The following WDR75 variants were observed in gnomAD, a reference collection of about 807,000 sequenced individuals.
WDR75 encodes the protein WD repeat domain 75.
In WDR75, 52 loss-of-function variants were observed where a neutral mutation model predicts 106.1. That is an observed-to-expected ratio of 0.49 (90% CI 0.39 to 0.62). WDR75 has a LOEUF of 0.62. WDR75 is among the 20% of genes least tolerant of loss of function. WDR75 has a pLI of 0.00. For synonymous variants in WDR75, 333 were observed against 335.5 expected, an observed-to-expected ratio of 0.99 and a Z score of 0.08; for missense variants, 905 against 970.3, an observed-to-expected ratio of 0.93 and a Z score of 0.89.
At position 189,474,293 on chromosome 2, in the gene WDR75, A is replaced by G; in HGVS notation, c.2157A>G (p.Val719=). ...KLNETLENEL[V]QLPLTENIPA... is the part of the protein sequence containing the mutation. ...ACGAAACTTTAGAGAATGAGCTGGT[A>G]CAACTACCCTTAACAGAAAACATAC... Residue 719 remains valine (V), a synonymous_variant, in exon 19 of 21, where the codon GTA becomes GTG. Coordinates refer to ENST00000314761, the MANE Select transcript of WDR75 (RefSeq NM_032168.3). 3 of 1,613,752 alleles carry G rather than the reference A, an allele frequency of 1.9e-6. No individual in the cohort carries two copies. The highest frequency in any genetic ancestry group is 1.7e-5 in the Admixed American group (1 of 59,986).
At chr2:189,451,548 T>C (rs187044257) in intron 3 of WDR75, among the ~76,000 whole-genome samples, 1 of 152,304 alleles carries the variant, frequency 6.6e-6, no homozygotes, top group African/African-American at 2.4e-5. Context: ...TTGTTTATGG[T>C]AGGAAAAAAG....
intron 2 of WDR75, chr2:189,449,207 G>C (rs1686564904): frequency 7.8e-7 from 1 of 1,278,064 alleles, no homozygotes; most frequent in Non-Finnish European, 1.0e-6. Context: ...TTTTGTTCTT[G>C]CTCTTATTTT....
intron 8 of WDR75, among the ~76,000 whole-genome samples, chr2:189,461,475 G>A (rs915421769): frequency 7.3e-5 from 11 of 151,280 alleles, no homozygotes; most frequent in Non-Finnish European, 8.8e-5. Flanking sequence ...ATATCCATGA[G>A]TTAGGATTTT....
chr2:189,474,108 C>A, intron 18 of WDR75, 78 bp from the exon 19 acceptor site: 1 of 1,421,922 alleles, frequency 7.0e-7, no homozygotes, highest in South Asian at 1.4e-5. Flanking sequence ...TTTTATGATT[C>A]TGTAGTACTT....
At chr2:189,474,455 C>A in intron 19 of WDR75, 123 bp downstream of exon 19, 2 of 1,189,040 alleles carry the variant, frequency 1.7e-6, no homozygotes, top group Non-Finnish European at 2.4e-6. Context: ...AACTAAATAA[C>A]TAACAACAAA....
Position 189,450,366 on chromosome 2 carries a change from TG to T in WDR75, c.217-535del, listed in dbSNP as rs1402180115. ...GTTTTTGTTTTGTTTTGTTTGGTTTTGGTTTTTTTTTCTGGAGAGTCTCACT... is the reference window on the plus strand; with the variant it reads ...GTTTTTGTTTTGTTTTGTTTGGTTTTGTTTTTTTTTCTGGAGAGTCTCACT... On this transcript the variant is annotated intron_variant, in intron 2 of 20. Transcript: ENST00000314761. 4.5e-6 allele frequency: 4 copies of T among 883,238 alleles called. No homozygotes were observed. The African/African-American group carries it at 9.5e-5, about 21-fold the overall frequency. 54.7% of individuals were successfully genotyped at this position (883,238 alleles called of 1,614,324 possible). A position where few individuals can be genotyped will look rare whatever the true frequency, so the allele number is the denominator to read the frequency against.
chr2:189,448,713 A>G (rs1574188275), intron 2 of WDR75: 1 of 689,880 alleles, frequency 1.4e-6, no homozygotes, highest in East Asian at 3.2e-5. Flanking sequence ...AAGAGGTATT[A>G]CCTGAGAAGG....
chr2:189,462,796 C>G (rs1686924245), intron 9 of WDR75, among the ~76,000 whole-genome samples, 154 bp downstream of exon 9: 1 of 152,030 alleles, frequency 6.6e-6, no homozygotes, highest in Non-Finnish European at 1.5e-5. Flanking sequence ...CTTTTCCACC[C>G]CTCTCTACCC....
intron 18 of WDR75, among the ~76,000 whole-genome samples, chr2:189,471,612 T>C (rs1687121650): frequency 1.3e-5 from 2 of 152,224 alleles, no homozygotes; most frequent in South Asian, 4.1e-4. Context: ...TGTTTTCAGA[T>C]ACATTAGGTA....
rs1182708083 is a variant in WDR75 at position 189,441,521 on chromosome 2, T to C, written c.29T>C (p.Val10Ala). MVEEENIRV[V>A]RCGGSELNFR... The stretch of plus-strand genomic sequence containing the variant: ...GTGGAGGAGGAGAACATCCGCGTGG[T>C]TCGTTGTGGCGGCAGCGAGTTGAAC... Residue 10 changes from valine to alanine, a missense_variant, in exon 1 of 21, where the codon GTT becomes GCT. Val to Ala is a moderately conservative substitution (Grantham distance 64). Transcript: ENST00000314761. The C allele has an allele frequency of 4.5e-6, 7 of 1,567,144 alleles. No individual in the cohort carries two copies. In the South Asian group the frequency reaches 4.7e-5, roughly 11 times the overall value.
chr2:189,449,022 G>A (rs1245198013), intron 2 of WDR75, among the ~76,000 whole-genome samples: 1 of 152,098 alleles, frequency 6.6e-6, no homozygotes, highest in East Asian at 1.9e-4. Flanking sequence ...AATTTGTTTG[G>A]TGAGTGGGTC....
Position 189,474,277 on chromosome 2 carries a change from T to C in WDR75, c.2141T>C (p.Leu714Ser), listed in dbSNP as rs143416795. 1 of 1,613,810 alleles carries C rather than the reference T, an allele frequency of 6.2e-7. No individual in the cohort carries two copies. Among genetic ancestry groups the C allele is most frequent in the African/African-American group, 1.3e-5 (1 of 75,034 alleles). ...CAGGATGAAAAACTAAACGAAACTT[T>C]AGAGAATGAGCTGGTACAACTACCC... ...QQQDEKLNET[L>S]ENELVQLPLT... Residue 714 changes from leucine to serine, a missense_variant, in exon 19 of 21, where the codon TTA becomes TCA. Transcript: ENST00000314761.
At chr2:189,455,606 T>A in intron 5 of WDR75, 162 bp downstream of exon 5, 1 of 913,412 alleles carries the variant, frequency 1.1e-6, no homozygotes, top group Non-Finnish European at 1.6e-6. Context: ...GTATTTATGG[T>A]ATAGATTTTT....
Position 189,467,974 on chromosome 2 carries a change from T to C in WDR75, c.1628+326T>C, listed in dbSNP as rs190732591. Among the ~76,000 whole-genome samples the C allele has an allele frequency of 2.6e-5, 4 of 152,302 alleles. No homozygotes were observed. The East Asian group carries it at 7.7e-4, about 29-fold the overall frequency. ...CTGTGTATTCCCATAAAAACCGTGT[T>C]ATGCGCCAACCTCATTGTTTCCGAG... On this transcript the variant is annotated intron_variant, in intron 14 of 20. Transcript: ENST00000314761.
At chr2:189,456,384 C>A (rs1478316108) in intron 5 of WDR75, among the ~76,000 whole-genome samples, 2 of 152,006 alleles carry the variant, frequency 1.3e-5, no homozygotes, top group Non-Finnish European at 2.9e-5. Context: ...CCCAAATATT[C>A]ATCAGCAAGA....
At chr2:189,453,432 C>A (rs1686666865) in intron 4 of WDR75, among the ~76,000 whole-genome samples, 1 of 152,096 alleles carries the variant, frequency 6.6e-6, no homozygotes, top group African/African-American at 2.4e-5. Context: ...TAGCTGCTAG[C>A]AAAACTTTTT....
chr2:189,462,378 G>T, intron 8 of WDR75, 106 bp from the exon 9 acceptor site: 2 of 1,258,522 alleles, frequency 1.6e-6, no homozygotes, highest in South Asian at 1.6e-5. Flanking sequence ...CTTTAAATGA[G>T]TTTATTTCTC....
In WDR75 at chr2:189,465,253, G is replaced by A. The variant is rs1686977654; in HGVS notation, c.1288G>A (p.Gly430Arg). 2 of 1,604,462 alleles carry A rather than the reference G, an allele frequency of 1.2e-6. No homozygotes were observed. Among genetic ancestry groups the A allele is most frequent in the African/African-American group, 2.7e-5 (2 of 74,574 alleles). Residue 430 changes from glycine to arginine, a missense_variant and splice_region_variant, in exon 12 of 21, where the codon GGG becomes AGG. Coordinates refer to ENST00000314761, the MANE Select transcript of WDR75 (RefSeq NM_032168.3). ...KLWMYNKKTQ[G>R]FILNTKINMP... ...GTGGATGTATAATAAGAAAACACAA[G>A]GGTAATACTATCTGTGTAGCCACTT...
intron 17 of WDR75, 50 bp from the exon 18 acceptor site, chr2:189,470,769 G>T: frequency 6.9e-7 from 1 of 1,454,922 alleles, no homozygotes. Flanking sequence ...ACCTTGTTTA[G>T]ATTTGCACTC....
Sources: allele counts gnomAD v4.1 joint callset (sites outside exome capture counted in the v4.1 genomes callset), GRCh38; gene constraint gnomAD v4.1.1; transcripts MANE v1.5; gene names NCBI Gene and HGNC (gene_info 2026-07-23, HGNC 2026-07-21).